Variants in DOK6 observed in about 807,000 individuals in gnomAD.
The protein encoded by DOK6 is downstream of tyrosine kinase 6.
In DOK6, 22 loss-of-function variants were observed where a neutral mutation model predicts 44.0. The ratio of observed to expected loss-of-function variants is 0.50; its 90% CI spans 0.36 to 0.71. The LOEUF (loss-of-function observed/expected upper bound fraction) is 0.71. DOK6 is among the 30% of genes least tolerant of loss of function. DOK6 has a pLI of 0.00. For missense variants in DOK6, 340 were observed against 416.4 expected (o/e 0.82, Z 1.60); for synonymous variants, 166 against 145.5 (o/e 1.14, Z -1.01).
intron 1 of DOK6, among the ~76,000 whole-genome samples, chr18:69,473,714 G>C (rs1980181084): frequency 6.6e-6 from 1 of 152,212 alleles, no homozygotes; most frequent in African/African-American, 2.4e-5. Context: ...CTGAGGGAAA[G>C]AGACTCTAAA....
intron 3 of DOK6, among the ~76,000 whole-genome samples, chr18:69,606,443 A>G (rs1038246701): frequency 1.3e-5 from 2 of 152,146 alleles, no homozygotes; most frequent in Non-Finnish European, 2.9e-5. Flanking sequence ...CACAGCTAAC[A>G]TCATAATCCA....
chr18:69,800,912 G>C (rs1980884771), intron 7 of DOK6, among the ~76,000 whole-genome samples: 1 of 152,002 alleles, frequency 6.6e-6, no homozygotes, highest in Non-Finnish European at 1.5e-5. Flanking sequence ...TTATTTTAAA[G>C]TACATGTTCT....
At chr18:69,775,836 T>C (rs1421081849) in intron 7 of DOK6, among the ~76,000 whole-genome samples, 1 of 151,864 alleles carries the variant, frequency 6.6e-6, no homozygotes, top group East Asian at 1.9e-4. Context: ...GAAAGTAAAC[T>C]GAAGGCAAGG....
At chr18:69,630,497 A>G (rs1161125831) in intron 3 of DOK6, among the ~76,000 whole-genome samples, 1 of 152,222 alleles carries the variant, frequency 6.6e-6, no homozygotes, top group African/African-American at 2.4e-5. Context: ...TCATTCATTC[A>G]TTATTCATGA....
At chr18:69,698,288 T>C (rs562860986) in intron 4 of DOK6, 116 bp from the exon 5 acceptor site, 108 of 865,988 alleles carry the variant, frequency 1.2e-4, no homozygotes, top group Non-Finnish European at 1.7e-4. Context: ...CCATATCACC[T>C]AGGGAGGATG....
chr18:69,667,357 C>T (rs149465719), intron 3 of DOK6, among the ~76,000 whole-genome samples: 1 of 152,324 alleles, frequency 6.6e-6, no homozygotes, highest in African/African-American at 2.4e-5. Context: ...ATTTAACTGT[C>T]TGCACTGACT....
intron 3 of DOK6, among the ~76,000 whole-genome samples, chr18:69,617,379 GAA>G (rs1014911632): frequency 3.5e-4 from 52 of 149,126 alleles, no homozygotes; most frequent in Non-Finnish European, 4.7e-4. Flanking sequence ...AGCGATAGGA[GAA>G]AAAGAGAGAG....
intron 7 of DOK6, among the ~76,000 whole-genome samples, chr18:69,805,933 TATTA>T (rs1424159597): frequency 1.3e-5 from 2 of 151,990 alleles, no homozygotes; most frequent in East Asian, 3.8e-4. Flanking sequence ...TTATCTTAAT[TATTA>T]ATTATATGGT....
intron 5 of DOK6, among the ~76,000 whole-genome samples, chr18:69,720,113 T>G (rs1337896338): frequency 6.6e-6 from 1 of 152,212 alleles, no homozygotes; most frequent in East Asian, 1.9e-4. Context: ...CGCTTGAACC[T>G]GGGAGGCAGA....
intron 7 of DOK6, among the ~76,000 whole-genome samples, chr18:69,805,830 C>T (rs1273115620): frequency 6.6e-6 from 1 of 152,014 alleles, no homozygotes; most frequent in Non-Finnish European, 1.5e-5. Flanking sequence ...TACGAGTATA[C>T]AAATAAGCTG....
chr18:69,733,403 A>C (rs1027786283), intron 5 of DOK6, among the ~76,000 whole-genome samples: 1 of 152,028 alleles, frequency 6.6e-6, no homozygotes, highest in African/African-American at 2.4e-5. Context: ...TCCCATGCAC[A>C]TTTTTTACAG....
chr18:69,603,572 G>C (rs912692358), intron 3 of DOK6, among the ~76,000 whole-genome samples: 22 of 151,464 alleles, frequency 1.5e-4, no homozygotes, highest in Admixed American at 3.3e-4. Context: ...GAGATCGAGA[G>C]CATCCTGGCT....
chr18:69,445,902 G>A (rs527746946), intron 1 of DOK6, among the ~76,000 whole-genome samples: 2 of 152,134 alleles, frequency 1.3e-5, no homozygotes, highest in African/African-American at 4.8e-5. Context: ...AATGTTTTTG[G>A]TAATATCTTC....
At chr18:69,500,258 C>T (rs1304181673) in intron 1 of DOK6, among the ~76,000 whole-genome samples, 1 of 152,162 alleles carries the variant, frequency 6.6e-6, no homozygotes, top group Non-Finnish European at 1.5e-5. Context: ...TGCTTTTATA[C>T]TTACTTGGAC....
chr18:69,549,582 T>C (rs919668593), intron 1 of DOK6, among the ~76,000 whole-genome samples: 1 of 151,702 alleles, frequency 6.6e-6, no homozygotes, highest in Non-Finnish European at 1.5e-5. Flanking sequence ...TTGAATGGCT[T>C]AATTTGGGCA....
intron 5 of DOK6, among the ~76,000 whole-genome samples, chr18:69,712,280 C>CAAAA (rs869202861): frequency 8.8e-5 from 2 of 22,674 alleles, no homozygotes; most frequent in African/African-American, 1.9e-4. Context: ...GACTCCGTCT[C>CAAAA]AAAAAAAAAA....
intron 1 of DOK6, among the ~76,000 whole-genome samples, chr18:69,419,637 T>C (rs529865376): frequency 6.6e-6 from 1 of 152,266 alleles, no homozygotes; most frequent in East Asian, 1.9e-4. Context: ...ATTAAGGATG[T>C]GTTAGTATAT....
At chr18:69,626,029 G>T (rs1332831015) in intron 3 of DOK6, among the ~76,000 whole-genome samples, 1 of 152,128 alleles carries the variant, frequency 6.6e-6, no homozygotes, top group Non-Finnish European at 1.5e-5. Context: ...CATCCAAGAT[G>T]CATCTGACAC....
Position 69,653,630 on chromosome 18 carries a change from C to T in DOK6, c.290-24104C>T, listed in dbSNP as rs114050505. Among the ~76,000 whole-genome samples, 759 of 152,254 alleles carry T rather than the reference C, an allele frequency of 5.0e-3. 10 individuals carry two copies. Among genetic ancestry groups the T allele is most frequent in the African/African-American group, 0.017 (694 of 41,560 alleles). ...AAGGGCTATACCCCAGAAATGAAGACAAACTGAACAAAAACTAGTCCTTAC... is the reference window on the plus strand; with the variant it reads ...AAGGGCTATACCCCAGAAATGAAGATAAACTGAACAAAAACTAGTCCTTAC... On this transcript the variant is annotated intron_variant, in intron 3 of 7. Transcript: ENST00000382713.
Sources: allele counts gnomAD v4.1 joint callset (sites outside exome capture counted in the v4.1 genomes callset), GRCh38; gene constraint gnomAD v4.1.1; transcripts MANE v1.5; gene names NCBI Gene and HGNC (gene_info 2026-07-23, HGNC 2026-07-21).